ZNF362: variants seen among roughly 807,000 people sequenced by gnomAD.
ZNF362 encodes the protein zinc finger protein 362.
In ZNF362, 11 loss-of-function variants were observed where a neutral mutation model predicts 42.9. The observed-to-expected ratio is 0.26, with a 90% CI of 0.16 to 0.42. ZNF362 has a LOEUF of 0.42. Among genes scored for constraint, ZNF362 ranks in the 20% least tolerant of loss-of-function variants. The pLI is 1.00. For missense variants in ZNF362, 362 were observed against 576.2 expected (o/e 0.63, Z 3.81); for synonymous variants, 255 against 257.3 (o/e 0.99, Z 0.09).
the ZNF362 span, among the ~76,000 whole-genome samples, chr1:33,235,284 C>T: frequency 1.3e-5 from 2 of 152,094 alleles, no homozygotes; most frequent in Admixed American, 6.5e-5. Flanking sequence ...CATGTGCTGT[C>T]CCTGTCCCAC....
chr1:33,295,040 CA>C (rs757360894), intron 7 of ZNF362, 25 bp downstream of exon 7: 226 of 1,613,668 alleles, frequency 1.4e-4, no homozygotes, highest in Non-Finnish European at 1.9e-4. Context: ...GCCTCCTGCC[CA>C]CCAGGTGCTC....
chr1:33,274,961 A>C (rs947782481), intron 2 of ZNF362: 2 of 985,298 alleles, frequency 2.0e-6, no homozygotes, highest in African/African-American at 3.5e-5. Flanking sequence ...GTCCTTATTG[A>C]GGGTTTTCTC....
intron 2 of ZNF362, among the ~76,000 whole-genome samples, chr1:33,273,538 G>A (rs866051660): frequency 1.1e-4 from 16 of 152,240 alleles, no homozygotes; most frequent in South Asian, 6.2e-4. Flanking sequence ...AACTGTCTGA[G>A]AAGCAGCGAG....
chr1:33,272,415 A>G (rs1645911098), intron 2 of ZNF362, among the ~76,000 whole-genome samples: 1 of 150,088 alleles, frequency 6.7e-6, no homozygotes, highest in Non-Finnish European at 1.5e-5. Flanking sequence ...GGATGGACAG[A>G]TTGATAGATG....
chr1:33,128,171 C>A, the ZNF362 span, among the ~76,000 whole-genome samples: 3 of 149,932 alleles, frequency 2.0e-5, no homozygotes, highest in Admixed American at 1.3e-4. Flanking sequence ...TCAAGACCAG[C>A]CCGGGTAAAA....
At chr1:33,198,136 A>G in the ZNF362 span, among the ~76,000 whole-genome samples, 1 of 152,208 alleles carries the variant, frequency 6.6e-6, no homozygotes, top group Non-Finnish European at 1.5e-5. Context: ...CCCCCCAAAA[A>G]GTAAAATTTA....
At chr1:33,166,831 C>T in the ZNF362 span, among the ~76,000 whole-genome samples, 1 of 152,218 alleles carries the variant, frequency 6.6e-6, no homozygotes, top group African/African-American at 2.4e-5. Flanking sequence ...CAGTGTGGCT[C>T]AGCAGAGCAT....
chr1:33,174,945 G>GTA, the ZNF362 span, among the ~76,000 whole-genome samples: 82 of 141,748 alleles, frequency 5.8e-4, no homozygotes, highest in African/African-American at 2.1e-3. Context: ...ATATATGTGT[G>GTA]TATATATATA....
the ZNF362 span, among the ~76,000 whole-genome samples, chr1:33,236,342 C>A: frequency 6.6e-6 from 1 of 150,494 alleles, no homozygotes; most frequent in African/African-American, 2.4e-5. Flanking sequence ...GAGTTTGAGA[C>A]CAGCCAGGAC....
chr1:33,130,158 C>T, the ZNF362 span, among the ~76,000 whole-genome samples: 15 of 152,280 alleles, frequency 9.9e-5, no homozygotes, highest in African/African-American at 3.4e-4. Flanking sequence ...TGCACCTGGC[C>T]GTAGCTTTGC....
At chr1:33,133,339 A>G in the ZNF362 span, among the ~76,000 whole-genome samples, 1 of 152,216 alleles carries the variant, frequency 6.6e-6, no homozygotes, top group Non-Finnish European at 1.5e-5. Context: ...TCACTCTTAA[A>G]TGTCACACCT....
At chr1:33,178,975 G>A in the ZNF362 span, among the ~76,000 whole-genome samples, 1 of 152,226 alleles carries the variant, frequency 6.6e-6, no homozygotes, top group African/African-American at 2.4e-5. Flanking sequence ...ACAAGGAGGG[G>A]AGAGATCAGA....
the ZNF362 span, among the ~76,000 whole-genome samples, chr1:33,209,358 C>G: frequency 6.6e-6 from 1 of 152,272 alleles, no homozygotes; most frequent in South Asian, 2.1e-4. Context: ...TGATGTTCAT[C>G]AGGGATATTG....
At chr1:33,220,336 G>A in the ZNF362 span, among the ~76,000 whole-genome samples, 1 of 152,074 alleles carries the variant, frequency 6.6e-6, no homozygotes, top group Non-Finnish European at 1.5e-5. Flanking sequence ...ACCATATGCT[G>A]GGCCTCCTGC....
chr1:33,291,605 G>C (rs1468185258), intron 6 of ZNF362, among the ~76,000 whole-genome samples: 1 of 152,180 alleles, frequency 6.6e-6, no homozygotes, highest in East Asian at 1.9e-4. Context: ...TGTGAAGAAA[G>C]TCATTGGTAG....
At chr1:33,242,688 G>A in the ZNF362 span, among the ~76,000 whole-genome samples, 1 of 152,082 alleles carries the variant, frequency 6.6e-6, no homozygotes, top group Non-Finnish European at 1.5e-5. Context: ...GTTGAGAAGT[G>A]GAATTAAACC....
At chr1:33,275,033 G>T (rs1645933297) in intron 2 of ZNF362, 2 of 985,262 alleles carry the variant, frequency 2.0e-6, no homozygotes, top group African/African-American at 3.5e-5. Flanking sequence ...CAGGAAAAGA[G>T]GTTGAAAGCA....
the ZNF362 span, among the ~76,000 whole-genome samples, chr1:33,151,147 G>A: frequency 2.0e-5 from 3 of 152,110 alleles, no homozygotes; most frequent in Admixed American, 6.5e-5. Context: ...GGGGCTCTCC[G>A]TGGGTCTGAG....
At chr1:33,166,081 T>C in the ZNF362 span, 1 of 152,268 alleles carries the variant, frequency 6.6e-6, no homozygotes. Context: ...CTCACAGGAG[T>C]GTGAACTGCA....
Sources: gnomAD v4.1 joint callset for allele counts (sites outside exome capture counted in the v4.1 genomes callset) on GRCh38, gnomAD v4.1.1 for gene constraint, MANE v1.5 for transcripts, NCBI Gene and HGNC (gene_info 2026-07-23, HGNC 2026-07-21) for gene names.